Variants in VAC14 observed in about 807,000 individuals in gnomAD.
VAC14 encodes the protein VAC14 component of PIKFYVE complex, also known as protein VAC14 homolog.
In VAC14, 47 loss-of-function variants were observed where a neutral mutation model predicts 85.3. That is an observed-to-expected ratio of 0.55 (90% CI 0.44 to 0.70). VAC14 has a LOEUF of 0.70. Ranked by LOEUF, VAC14 falls within the 30% of genes least tolerant of loss-of-function variation. The pLI is 0.00. For synonymous variants in VAC14, 447 were observed against 430.5 expected, an observed-to-expected ratio of 1.04 and a Z score of -0.47; for missense variants, 861 against 1,004.3, an observed-to-expected ratio of 0.86 and a Z score of 1.93.
intron 1 of VAC14, among the ~76,000 whole-genome samples, chr16:70,786,671 C>G (rs1414543730): frequency 6.6e-6 from 1 of 152,200 alleles, no homozygotes; most frequent in Non-Finnish European, 1.5e-5. Flanking sequence ...ATCAGTTGAT[C>G]AACTGTCTTT....
At chr16:70,773,122 A>T (rs2033331702) in intron 9 of VAC14, 1 of 152,194 alleles carries the variant, frequency 6.6e-6, no homozygotes, top group African/African-American at 2.4e-5. Flanking sequence ...GGCACGGAAA[A>T]TATTCTAAAA....
intron 12 of VAC14, chr16:70,755,236 C>T (rs1231071416): frequency 5.9e-6 from 2 of 341,320 alleles, no homozygotes; most frequent in African/African-American, 2.2e-5. Flanking sequence ...TGGAGGGGGG[C>T]TAGGGGCCAC....
intron 14 of VAC14, among the ~76,000 whole-genome samples, chr16:70,728,952 T>C (rs1252960841): frequency 6.6e-6 from 1 of 152,174 alleles, no homozygotes; most frequent in Non-Finnish European, 1.5e-5. Flanking sequence ...AACCTCTACC[T>C]CAATTCCCTA....
At chr16:70,709,873 G>A (rs1390758392) in intron 14 of VAC14, among the ~76,000 whole-genome samples, 4 of 152,184 alleles carry the variant, frequency 2.6e-5, no homozygotes, top group Non-Finnish European at 4.4e-5. Flanking sequence ...AAATGGCCAG[G>A]GAAATGGCAT....
At chr16:70,711,662 T>C (rs2054037137) in intron 14 of VAC14, among the ~76,000 whole-genome samples, 1 of 152,132 alleles carries the variant, frequency 6.6e-6, no homozygotes, top group Non-Finnish European at 1.5e-5. Context: ...GAAGCACAGC[T>C]CACAGCTGCT....
intron 14 of VAC14, among the ~76,000 whole-genome samples, chr16:70,728,272 TGAG>T (rs2054489055): frequency 6.6e-6 from 1 of 151,980 alleles, no homozygotes; most frequent in Non-Finnish European, 1.5e-5. Context: ...CTGAGCACGC[TGAG>T]GAGCTGGGCC....
intron 10 of VAC14, chr16:70,770,419 C>G (rs984678155): frequency 2.0e-5 from 3 of 152,388 alleles, no homozygotes; most frequent in African/African-American, 4.8e-5. Flanking sequence ...CAGCCCCGTT[C>G]TTCCTCCCTT....
intron 16 of VAC14, among the ~76,000 whole-genome samples, chr16:70,696,670 A>C (rs12444172): frequency 0.41 from 62,686 of 152,082 alleles, 16,377 homozygotes; most frequent in Non-Finnish European, 0.57. Flanking sequence ...CCGAAGGCCC[A>C]CGCCTGGGCT....
intron 1 of VAC14, among the ~76,000 whole-genome samples, chr16:70,786,681 T>C (rs113052580): frequency 1.3e-5 from 2 of 152,204 alleles, no homozygotes; most frequent in African/African-American, 4.8e-5. Flanking sequence ...CAACTGTCTT[T>C]ATTCAACACT....
rs1376793526 is a variant in VAC14 at position 70,717,147 on chromosome 16, A to G, written c.1661+14348T>C. Among the ~76,000 whole-genome samples the G allele has an allele frequency of 3.3e-5, 5 of 152,242 alleles. No homozygotes were observed. In the South Asian group the frequency reaches 1.0e-3, roughly 31 times the overall value. On this transcript the variant is annotated intron_variant, in intron 14 of 18. Coordinates refer to ENST00000261776, the MANE Select transcript of VAC14 (RefSeq NM_018052.5). ...CCCATGACACCTGCTCCTGTGTCTG[A>G]GGGTGGGCACCCGACCCTTTTCAGG... is the stretch of plus-strand genomic sequence containing the variant.
chr16:70,784,278 G>A (rs2033949207), intron 4 of VAC14, 58 bp from the exon 5 acceptor site: 4 of 1,444,440 alleles, frequency 2.8e-6, no homozygotes, highest in East Asian at 2.3e-5. Context: ...GCCTGACCTC[G>A]CTGAATCACT....
chr16:70,786,280 G>A lies in VAC14; in HGVS notation c.190C>T (p.Gln64Ter). The A allele has an allele frequency of 6.2e-7, 1 of 1,614,250 alleles. No individual in the cohort carries two copies. Among genetic ancestry groups the A allele is most frequent in the Non-Finnish European group, 8.5e-7 (1 of 1,180,036 alleles). ...QTLSQEFALSQHPHSRKGGLI... is the reference protein window; with the variant it reads ...QTLSQEFALS ...CCCCCTTTCCGGCTGTGGGGGTGCT[G>A]AGACAGGGCAAACTCCTGGGACAGG... The change falls in exon 2 of 19, where the codon CAG becomes TAG. Residue 64 changes from glutamine to a stop codon, truncating the protein, a stop_gained. Transcript: ENST00000261776. LOFTEE classifies it high-confidence loss of function.
chr16:70,781,697 G>A (rs553157742), intron 8 of VAC14, among the ~76,000 whole-genome samples, 172 bp downstream of exon 8: 1 of 152,170 alleles, frequency 6.6e-6, no homozygotes, highest in African/African-American at 2.4e-5. Context: ...ATCAGCCCCG[G>A]GTCCCTGGCT....
chr16:70,783,205 G>T, intron 6 of VAC14, 66 bp from the exon 7 acceptor site: 2 of 1,533,276 alleles, frequency 1.3e-6, no homozygotes, highest in Non-Finnish European at 1.8e-6. Context: ...CCTCAAACCA[G>T]CCCCATTTCC....
chr16:70,742,489 A>G (rs1448016525), intron 13 of VAC14, among the ~76,000 whole-genome samples: 1 of 152,254 alleles, frequency 6.6e-6, no homozygotes, highest in Non-Finnish European at 1.5e-5. Context: ...AGGACGGAGA[A>G]TGGACTCGTT....
intron 13 of VAC14, among the ~76,000 whole-genome samples, chr16:70,741,812 C>T (rs1416765858): frequency 6.6e-6 from 1 of 152,226 alleles, no homozygotes; most frequent in Non-Finnish European, 1.5e-5. Flanking sequence ...CTGCCATAGC[C>T]TCGTTCATGG....
chr16:70,712,403 C>T (rs1005650733), intron 14 of VAC14, among the ~76,000 whole-genome samples: 13 of 152,104 alleles, frequency 8.5e-5, no homozygotes, highest in African/African-American at 2.9e-4. Context: ...AGGTAACCAC[C>T]GACAGAGAAA....
intron 13 of VAC14, among the ~76,000 whole-genome samples, chr16:70,732,544 C>T (rs2054622740): frequency 6.6e-6 from 1 of 152,128 alleles, no homozygotes; most frequent in Non-Finnish European, 1.5e-5. Flanking sequence ...TGGTATCTTC[C>T]CTGGACATCC....
At position 70,799,270 on chromosome 16, in the gene VAC14, A is replaced by C. The variant is rs534124893; in HGVS notation, c.104+1527T>G. ...CTATATATCATTTCTGGGTCCCTCT[A>C]TTCAGTATGGCAATGTGCAATAAGA... On this transcript the variant is annotated intron_variant, in intron 1 of 18. Coordinates refer to ENST00000261776, the MANE Select transcript of VAC14 (RefSeq NM_018052.5). Among the ~76,000 whole-genome samples the C allele has an allele frequency of 2.0e-5, 3 of 152,302 alleles. No homozygotes were observed. The South Asian group carries it at 6.2e-4, about 32-fold the overall frequency.
Sources: gnomAD v4.1 joint callset for allele counts (sites outside exome capture counted in the v4.1 genomes callset) on GRCh38, gnomAD v4.1.1 for gene constraint, MANE v1.5 for transcripts, NCBI Gene and HGNC (gene_info 2026-07-23, HGNC 2026-07-21) for gene names.